MTA3: variants seen among roughly 807,000 people sequenced by gnomAD.
The protein encoded by MTA3 is metastasis associated 1 family member 3.
Under a neutral mutation model 83.5 loss-of-function variants are expected in MTA3, and 34 were observed. The observed-to-expected ratio is 0.41, with a 90% CI of 0.31 to 0.54. The LOEUF is 0.54. MTA3 is among the 20% of genes least tolerant of loss of function. MTA3 has a pLI of 0.33. For missense variants in MTA3, 761 were observed against 726.4 expected (o/e 1.05, Z -0.55); for synonymous variants, 303 against 252.7 (o/e 1.20, Z -1.89).
intron 12 of MTA3, 73 bp from the exon 13 acceptor site, chr2:42,707,830 G>A (rs1440623158): frequency 2.2e-6 from 3 of 1,370,796 alleles, no homozygotes; most frequent in African/African-American, 2.9e-5. Context: ...TTTTTAAAAT[G>A]TTTGATTATT....
chr2:42,549,284 TATATA>T (rs1361440116), intron 2 of MTA3, among the ~76,000 whole-genome samples: 7 of 126,904 alleles, frequency 5.5e-5, no homozygotes, highest in African/African-American at 8.9e-5. Context: ...ATATATGTAA[TATATA>T]ATGTATATGT....
At chr2:42,663,424 G>A (rs1252689988) in intron 8 of MTA3, among the ~76,000 whole-genome samples, 3 of 152,168 alleles carry the variant, frequency 2.0e-5, no homozygotes, top group Non-Finnish European at 2.9e-5. Flanking sequence ...TTTTAAAGAA[G>A]CATTTTAAAG....
chr2:42,753,597 C>G lies in MTA3; in HGVS notation c.*198C>G. On this transcript the variant is annotated 3_prime_UTR_variant, in exon 17 of 17. Coordinates refer to ENST00000405094, the MANE Select transcript of MTA3 (RefSeq NM_001330442.2). ...AAATCCTGTGTCTCCACGTGTGGAT[C>G]AGCAGCACCTCGCTTTCTTGTCAGA... 1 of 1,389,034 alleles carries G rather than the reference C, an allele frequency of 7.2e-7. No individual in the cohort carries two copies. The highest frequency in any genetic ancestry group is 9.3e-7 in the Non-Finnish European group (1 of 1,071,624). 86.0% of individuals were successfully genotyped at this position (1,389,034 alleles called of 1,614,324 possible).
chr2:42,570,311 G>A (rs2103827505), intron 1 of MTA3, 126 bp from the exon 2 acceptor site: 5 of 531,934 alleles, frequency 9.4e-6, no homozygotes, highest in Middle Eastern at 3.9e-4. Context: ...TATTATGTTT[G>A]CTTTTACCAG....
chr2:42,707,843 G>A, intron 12 of MTA3, 60 bp from the exon 13 acceptor site: 2 of 1,407,628 alleles, frequency 1.4e-6, no homozygotes, highest in Non-Finnish European at 1.9e-6. Context: ...TGATTATTTT[G>A]TGTTGATGTT....
chr2:42,579,601 G>T (rs761518623), intron 3 of MTA3, among the ~76,000 whole-genome samples: 1 of 151,390 alleles, frequency 6.6e-6, no homozygotes, highest in Admixed American at 6.6e-5. Context: ...CTAGTATATG[G>T]TTTTTTAGGT....
chr2:42,595,020 T>C (rs1681612630), intron 3 of MTA3, among the ~76,000 whole-genome samples: 1 of 147,122 alleles, frequency 6.8e-6, no homozygotes, highest in Non-Finnish European at 1.5e-5. Flanking sequence ...CCCAAAGTGC[T>C]GGGATTACAG....
chr2:42,629,241 G>A (rs937704404), intron 4 of MTA3, among the ~76,000 whole-genome samples: 11 of 151,934 alleles, frequency 7.2e-5, no homozygotes, highest in Admixed American at 2.0e-4. Flanking sequence ...CACTATGCCC[G>A]GGTACTTTTT....
intron 2 of MTA3, among the ~76,000 whole-genome samples, chr2:42,558,854 CTT>C (rs1373692431): frequency 6.8e-6 from 1 of 146,300 alleles, no homozygotes; most frequent in Non-Finnish European, 1.5e-5. Context: ...CGTGCCCGGC[CTT>C]TTTTTTTTTA....
intron 2 of MTA3, among the ~76,000 whole-genome samples, chr2:42,529,661 G>A (rs1452136671): frequency 6.6e-6 from 1 of 152,198 alleles, no homozygotes; most frequent in Non-Finnish European, 1.5e-5. Flanking sequence ...TAGCAGCGGT[G>A]TGAGACAGGC....
chr2:42,706,917 G>C (rs919530401), intron 12 of MTA3, among the ~76,000 whole-genome samples: 1 of 152,142 alleles, frequency 6.6e-6, no homozygotes, highest in African/African-American at 2.4e-5. Context: ...AAATAAAGGA[G>C]TGCAAAACAG....
intron 4 of MTA3, among the ~76,000 whole-genome samples, chr2:42,636,355 CAT>C (rs908264840): frequency 5.3e-5 from 8 of 152,050 alleles, no homozygotes; most frequent in African/African-American, 1.7e-4. Context: ...GCCTGGGAAA[CAT>C]AGCAAAACTC....
chr2:42,656,693 T>G (rs1689200229), intron 7 of MTA3, among the ~76,000 whole-genome samples: 1 of 152,244 alleles, frequency 6.6e-6, no homozygotes, highest in African/African-American at 2.4e-5. Flanking sequence ...CATGTGTGGG[T>G]AAGGCCTGTT....
chr2:42,599,989 G>T (rs914240522), intron 3 of MTA3, among the ~76,000 whole-genome samples: 2 of 152,032 alleles, frequency 1.3e-5, no homozygotes, highest in Admixed American at 1.3e-4. Context: ...GAGGTCAGGA[G>T]ATTGAGACCA....
intron 6 of MTA3, among the ~76,000 whole-genome samples, chr2:42,652,985 T>A (rs1688853494): frequency 6.6e-6 from 1 of 152,212 alleles, no homozygotes; most frequent in Non-Finnish European, 1.5e-5. Flanking sequence ...GGAAAGGGCC[T>A]TTAGGAATCC....
intron 4 of MTA3, among the ~76,000 whole-genome samples, chr2:42,636,357 TA>T (rs1459814090): frequency 2.0e-5 from 3 of 151,778 alleles, no homozygotes; most frequent in African/African-American, 7.3e-5. Flanking sequence ...CTGGGAAACA[TA>T]GCAAAACTCT....
At chr2:42,653,674 ATTG>A (rs1260846413) in intron 6 of MTA3, among the ~76,000 whole-genome samples, 3 of 152,064 alleles carry the variant, frequency 2.0e-5, no homozygotes, top group Non-Finnish European at 4.4e-5. Flanking sequence ...GTGTTTTATT[ATTG>A]TTTACAGTGA....
At chr2:42,654,424 C>T (rs1688983786) in intron 6 of MTA3, among the ~76,000 whole-genome samples, 1 of 152,212 alleles carries the variant, frequency 6.6e-6, no homozygotes, top group Admixed American at 6.5e-5. Flanking sequence ...AAAACAAAGC[C>T]AAAGCAGTCC....
chr2:42,700,874 G>GA (rs1177142143), intron 11 of MTA3, among the ~76,000 whole-genome samples: 2 of 152,166 alleles, frequency 1.3e-5, no homozygotes, highest in Non-Finnish European at 2.9e-5. Flanking sequence ...GCTGAGGCAG[G>GA]AAGACTGCTT....
Sources: gnomAD v4.1 joint callset for allele counts (sites outside exome capture counted in the v4.1 genomes callset) on GRCh38, gnomAD v4.1.1 for gene constraint, MANE v1.5 for transcripts, NCBI Gene and HGNC (gene_info 2026-07-23, HGNC 2026-07-21) for gene names.